Variants in KCNB2 observed in about 807,000 individuals in gnomAD.
KCNB2 encodes the protein delayed rectifier potassium channel protein.
Under a neutral mutation model 61.5 loss-of-function variants are expected in KCNB2, and 15 were observed. That is an observed-to-expected ratio of 0.24 (90% CI 0.16 to 0.38). The LOEUF is 0.38. KCNB2 is among the 10% of genes least tolerant of loss of function. KCNB2 has a pLI of 1.00. For synonymous variants in KCNB2, 457 were observed against 446.0 expected, an observed-to-expected ratio of 1.02 and a Z score of -0.31; for missense variants, 828 against 1,125.2, an observed-to-expected ratio of 0.74 and a Z score of 3.78.
chr8:72,915,905 T>A (rs1806389960), intron 2 of KCNB2, among the ~76,000 whole-genome samples: 1 of 151,986 alleles, frequency 6.6e-6, no homozygotes. Context: ...GGCAACAGAG[T>A]AAGAATCCGT....
intron 2 of KCNB2, among the ~76,000 whole-genome samples, chr8:72,811,493 T>G (rs1459110411): frequency 6.6e-6 from 1 of 152,208 alleles, no homozygotes; most frequent in Non-Finnish European, 1.5e-5. Flanking sequence ...AATACTATCC[T>G]AAATGGAGTC....
chr8:72,550,419 G>C (rs1806329736), intron 1 of KCNB2, among the ~76,000 whole-genome samples: 1 of 152,148 alleles, frequency 6.6e-6, no homozygotes. Context: ...CGAGGCTTAT[G>C]GTCTGCCTGA....
intron 2 of KCNB2, among the ~76,000 whole-genome samples, chr8:72,617,366 G>A (rs1805635664): frequency 6.6e-6 from 1 of 152,126 alleles, no homozygotes; most frequent in African/African-American, 2.4e-5. Context: ...AATAGGCAAG[G>A]ACAGGATTTG....
At chr8:72,742,241 C>T (rs1807972230) in intron 2 of KCNB2, among the ~76,000 whole-genome samples, 2 of 152,166 alleles carry the variant, frequency 1.3e-5, no homozygotes, top group South Asian at 4.1e-4. Context: ...ATCTTTGAAT[C>T]CCATTCTTTC....
intron 2 of KCNB2, among the ~76,000 whole-genome samples, chr8:72,838,526 G>A (rs202026009): frequency 1.6e-4 from 24 of 152,178 alleles, no homozygotes; most frequent in African/African-American, 2.4e-4. Context: ...GGGCATTTGC[G>A]TTGGTTCCAA....
chr8:72,702,248 C>T (rs1329465229), intron 2 of KCNB2, among the ~76,000 whole-genome samples: 1 of 152,108 alleles, frequency 6.6e-6, no homozygotes, highest in Admixed American at 6.6e-5. Context: ...GAGGAACTCG[C>T]TCAGCATTGC....
At chr8:72,873,121 T>C (rs1345744030) in intron 2 of KCNB2, among the ~76,000 whole-genome samples, 1 of 152,218 alleles carries the variant, frequency 6.6e-6, no homozygotes, top group Non-Finnish European at 1.5e-5. Context: ...TGTCCCATCA[T>C]GGCACAACTG....
chr8:72,899,378 C>A (rs1228143666), intron 2 of KCNB2, among the ~76,000 whole-genome samples: 4 of 152,128 alleles, frequency 2.6e-5, no homozygotes, highest in Non-Finnish European at 5.9e-5. Flanking sequence ...GAAGTCCTAG[C>A]CAGAGCAATC....
Position 72,800,138 on chromosome 8 carries a change from T to C in KCNB2, c.580-135797T>C, listed in dbSNP as rs1438606092. Among the ~76,000 whole-genome samples the C allele has an allele frequency of 3.3e-5, 5 of 152,274 alleles. No individual in the cohort carries two copies. In the East Asian group the frequency reaches 9.6e-4, roughly 29 times the overall value. ...TGTATTTAAGTATAGAAGCAGGCAT[T>C]TATCTAGGGTCCCATGAAATACATA... On this transcript the variant is annotated intron_variant, in intron 2 of 2. Transcript: ENST00000523207.
chr8:72,852,589 G>A (rs771353199), intron 2 of KCNB2, among the ~76,000 whole-genome samples: 12 of 152,196 alleles, frequency 7.9e-5, no homozygotes, highest in South Asian at 2.1e-4. Flanking sequence ...AGCTGTATTC[G>A]ACAGTGGATA....
At chr8:72,836,638 T>C (rs1809787129) in intron 2 of KCNB2, among the ~76,000 whole-genome samples, 1 of 152,210 alleles carries the variant, frequency 6.6e-6, no homozygotes, top group South Asian at 2.1e-4. Flanking sequence ...AGGATGGGCA[T>C]AGTGGCTCAC....
chr8:72,926,004 C>A (rs1806638914), intron 2 of KCNB2, among the ~76,000 whole-genome samples: 1 of 152,130 alleles, frequency 6.6e-6, no homozygotes, highest in South Asian at 2.1e-4. Context: ...AACAAAAAAA[C>A]AAACACCACA....
At chr8:72,739,316 G>A (rs1298130462) in intron 2 of KCNB2, among the ~76,000 whole-genome samples, 1 of 151,502 alleles carries the variant, frequency 6.6e-6, no homozygotes, top group East Asian at 1.9e-4. Context: ...ATTAGGCACT[G>A]GGGACAAAAA....
At chr8:72,581,563 A>T (rs773539609) in intron 2 of KCNB2, among the ~76,000 whole-genome samples, 1 of 152,248 alleles carries the variant, frequency 6.6e-6, no homozygotes, top group Non-Finnish European at 1.5e-5. Context: ...GTGAGGACTA[A>T]ATAGCATAGA....
At chr8:72,670,418 A>G (rs1806545200) in intron 2 of KCNB2, among the ~76,000 whole-genome samples, 1 of 152,180 alleles carries the variant, frequency 6.6e-6, no homozygotes, top group South Asian at 2.1e-4. Context: ...TGAACTTTGC[A>G]TGCACTTTGT....
Position 72,608,230 on chromosome 8 carries a change from G to A in KCNB2, c.579+39917G>A, listed in dbSNP as rs188011523. ...TGTGGCAGATATGGCAGATGGGGGTGGGCATTCCTGGTGGAAGTGGACTGG... is the reference window on the plus strand; with the variant it reads ...TGTGGCAGATATGGCAGATGGGGGTAGGCATTCCTGGTGGAAGTGGACTGG... On this transcript the variant is annotated intron_variant, in intron 2 of 2. Coordinates refer to ENST00000523207, the MANE Select transcript of KCNB2 (RefSeq NM_004770.3). 1.5e-3 allele frequency among the ~76,000 whole-genome samples: 234 copies of A among 152,208 alleles called. 1 individual carries two copies. The highest frequency in any genetic ancestry group is 5.4e-3 in the African/African-American group (226 of 41,542).
intron 2 of KCNB2, among the ~76,000 whole-genome samples, chr8:72,731,759 A>G (rs1807741747): frequency 6.6e-6 from 1 of 152,248 alleles, no homozygotes; most frequent in African/African-American, 2.4e-5. Flanking sequence ...ATAAATCAAT[A>G]TATGTCACAG....
intron 2 of KCNB2, among the ~76,000 whole-genome samples, chr8:72,625,103 G>A (rs552108519): frequency 6.6e-6 from 1 of 152,310 alleles, no homozygotes; most frequent in South Asian, 2.1e-4. Context: ...ACTAGCGGGA[G>A]ACCCAGTGAA....
At chr8:72,668,906 A>G (rs2128988006) in intron 2 of KCNB2, among the ~76,000 whole-genome samples, 1 of 151,916 alleles carries the variant, frequency 6.6e-6, no homozygotes, top group East Asian at 1.9e-4. Context: ...TGTTATTTTT[A>G]TATTATATAT....
Sources: gnomAD v4.1 joint callset for allele counts (sites outside exome capture counted in the v4.1 genomes callset) on GRCh38, gnomAD v4.1.1 for gene constraint, MANE v1.5 for transcripts, NCBI Gene and HGNC (gene_info 2026-07-23, HGNC 2026-07-21) for gene names.